Variants in PIK3C2G observed in about 807,000 individuals in gnomAD.
PIK3C2G encodes phosphatidylinositol-4-phosphate 3-kinase catalytic subunit type 2 gamma, also known as phosphatidylinositol 3-kinase C2 domain-containing subunit gamma.
PIK3C2G carries 168 observed loss-of-function variants against 181.1 expected under a neutral mutation model. That is an observed-to-expected ratio of 0.93 (90% CI 0.82 to 1.05). PIK3C2G has a LOEUF of 1.05. Among genes scored for constraint, PIK3C2G ranks in the 50% least tolerant of loss-of-function variants. The pLI, the probability that PIK3C2G is intolerant of heterozygous loss-of-function variation, is 0.00. For synonymous variants in PIK3C2G, 573 were observed against 592.2 expected (o/e 0.97, Z 0.47); for missense variants, 1,869 against 1,732.8 (o/e 1.08, Z -1.40).
At chr12:18,469,429 T>C (rs1373990710) in intron 18 of PIK3C2G, among the ~76,000 whole-genome samples, 1 of 152,134 alleles carries the variant, frequency 6.6e-6, no homozygotes, top group Non-Finnish European at 1.5e-5. Flanking sequence ...ACTTGGTAAT[T>C]AATGGCAGTA....
At chr12:18,333,898 A>C (rs1938236892) in intron 8 of PIK3C2G, among the ~76,000 whole-genome samples, 1 of 152,170 alleles carries the variant, frequency 6.6e-6, no homozygotes, top group Admixed American at 6.6e-5. Flanking sequence ...TAAATAAGAG[A>C]GGAGAATAAT....
chr12:18,333,101 C>T (rs963846154), intron 8 of PIK3C2G, among the ~76,000 whole-genome samples: 40 of 152,256 alleles, frequency 2.6e-4, no homozygotes, highest in African/African-American at 9.6e-4. Context: ...TTCTCCTGTG[C>T]TCTGCCAAAG....
intron 29 of PIK3C2G, among the ~76,000 whole-genome samples, chr12:18,584,354 C>T (rs1946667562): frequency 6.6e-6 from 1 of 152,006 alleles, no homozygotes; most frequent in South Asian, 2.1e-4. Flanking sequence ...CCTAATAGAT[C>T]TGATAAAGCA....
intron 24 of PIK3C2G, among the ~76,000 whole-genome samples, chr12:18,536,679 T>C (rs1943870794): frequency 6.6e-6 from 1 of 152,184 alleles, no homozygotes; most frequent in South Asian, 2.1e-4. Flanking sequence ...GATTGAGACA[T>C]AGCAGGTCCA....
chr12:18,661,900 A>G, the PIK3C2G span, among the ~76,000 whole-genome samples: 1 of 152,152 alleles, frequency 6.6e-6, no homozygotes, highest in Non-Finnish European at 1.5e-5. Flanking sequence ...ATTTTTTTAA[A>G]TGAAGTACAC....
intron 11 of PIK3C2G, among the ~76,000 whole-genome samples, chr12:18,350,462 G>T (rs937953824): frequency 2.0e-5 from 3 of 152,096 alleles, no homozygotes; most frequent in Non-Finnish European, 4.4e-5. Context: ...TCAATTATGG[G>T]ATACTGTGTG....
chr12:18,290,004 T>C (rs555496185), intron 3 of PIK3C2G, among the ~76,000 whole-genome samples: 1 of 152,330 alleles, frequency 6.6e-6, no homozygotes, highest in South Asian at 2.1e-4. Flanking sequence ...AATCAAGCTA[T>C]GGTAACATAT....
the PIK3C2G span, among the ~76,000 whole-genome samples, chr12:18,688,870 G>T: frequency 6.6e-6 from 1 of 152,014 alleles, no homozygotes; most frequent in Non-Finnish European, 1.5e-5. Flanking sequence ...GCCTAAAAAC[G>T]CAGTTATAAA....
At position 18,373,240 on chromosome 12, in the gene PIK3C2G, T is replaced by C. The variant is rs374850777; in HGVS notation, c.1880+1929T>C. Among the ~76,000 whole-genome samples, 77 of 152,326 alleles carry C rather than the reference T, an allele frequency of 5.1e-4. 1 individual carries two copies. Among genetic ancestry groups the C allele is most frequent in the African/African-American group, 1.7e-3 (71 of 41,582 alleles). ...ATCACAGCAAATTGGTGACTGAATT[T>C]CATTTCCTTTCGGGGGTAATCCCTG... On this transcript the variant is annotated intron_variant, in intron 13 of 32. Coordinates refer to ENST00000538779, the MANE Select transcript of PIK3C2G (RefSeq NM_001288772.2).
intron 18 of PIK3C2G, among the ~76,000 whole-genome samples, chr12:18,487,417 ATTT>A (rs1940162568): frequency 2.6e-5 from 4 of 152,094 alleles, no homozygotes; most frequent in Non-Finnish European, 5.9e-5. Context: ...ACATCTATAT[ATTT>A]AAAAATCCTT....
At chr12:18,659,969 T>C in the PIK3C2G span, among the ~76,000 whole-genome samples, 1 of 152,074 alleles carries the variant, frequency 6.6e-6, no homozygotes, top group Non-Finnish European at 1.5e-5. Context: ...AGAACACTGC[T>C]AAAGATAAGT....
In PIK3C2G at chr12:18,294,094, C is replaced by T. The variant is rs539934734; in HGVS notation, c.1034+79C>T. 20 of 676,754 alleles carry T rather than the reference C, an allele frequency of 3.0e-5. No homozygotes were observed. The African/African-American group carries it at 3.1e-4, about 10-fold the overall frequency. The allele number at this position is 676,754 out of a possible 1,614,324, so 41.9% of individuals were successfully genotyped here. A position where few individuals can be genotyped will look rare whatever the true frequency, so the allele number is the denominator to read the frequency against. On this transcript the variant is annotated intron_variant, in intron 5 of 32. Coordinates refer to ENST00000538779, the MANE Select transcript of PIK3C2G (RefSeq NM_001288772.2). ...CACTTGTTTATGGTTTTGTTTTAAACAGACTTTACACAAACATTATAGTCT... is the reference window on the plus strand; with the variant it reads ...CACTTGTTTATGGTTTTGTTTTAAATAGACTTTACACAAACATTATAGTCT...
intron 29 of PIK3C2G, among the ~76,000 whole-genome samples, chr12:18,570,835 G>A (rs962065836): frequency 4.0e-5 from 6 of 150,678 alleles, no homozygotes; most frequent in Non-Finnish European, 7.4e-5. Flanking sequence ...GATCTGGATC[G>A]ACCACATCAA....
chr12:18,518,671 C>G (rs552708189), intron 24 of PIK3C2G, among the ~76,000 whole-genome samples: 1 of 151,624 alleles, frequency 6.6e-6, no homozygotes, highest in South Asian at 2.1e-4. Context: ...TTAATTTTTT[C>G]AAAAAACAAG....
the PIK3C2G span, among the ~76,000 whole-genome samples, chr12:18,675,441 C>T: frequency 2.0e-5 from 3 of 152,086 alleles, no homozygotes; most frequent in Non-Finnish European, 4.4e-5. Flanking sequence ...TTAGTACAAC[C>T]TCTGTGGAAA....
chr12:18,642,044 C>T (rs888711425), intron 32 of PIK3C2G, among the ~76,000 whole-genome samples: 10 of 152,234 alleles, frequency 6.6e-5, no homozygotes, highest in African/African-American at 1.7e-4. Flanking sequence ...CCACCATGCC[C>T]GGCCTCTGTC....
Position 18,272,852 on chromosome 12 carries a change from T to C in PIK3C2G, c.-78-9152T>C, listed in dbSNP as rs1295417411. On this transcript the variant is annotated intron_variant, in intron 1 of 32. Transcript: ENST00000538779. ...TCTGCCCAAACCTGAAATCAACTGG[T>C]CCACCAAGCAACCCTGCTTTCTTTT... 3.9e-5 allele frequency among the ~76,000 whole-genome samples: 6 copies of C among 152,246 alleles called. No individual in the cohort carries two copies. In the East Asian group the frequency reaches 1.2e-3, roughly 29 times the overall value.
intron 4 of PIK3C2G, among the ~76,000 whole-genome samples, chr12:18,291,814 T>C (rs573506527): frequency 4.1e-4 from 62 of 151,402 alleles, no homozygotes; most frequent in Admixed American, 3.6e-3. Context: ...ACTCCAATCA[T>C]AGCAGTGTTA....
At chr12:18,359,643 C>T (rs12580522) in intron 11 of PIK3C2G, among the ~76,000 whole-genome samples, 22,076 of 151,950 alleles carry the variant, frequency 0.15, 2,031 homozygotes, top group Admixed American at 0.27. Flanking sequence ...ACGTTGGGTA[C>T]AGATATATTT....
Sources: gnomAD v4.1 joint callset for allele counts (sites outside exome capture counted in the v4.1 genomes callset) on GRCh38, gnomAD v4.1.1 for gene constraint, MANE v1.5 for transcripts, NCBI Gene and HGNC (gene_info 2026-07-23, HGNC 2026-07-21) for gene names.